The following NID2 variants were observed in gnomAD, a reference collection of about 807,000 sequenced individuals.
NID2 encodes nidogen-2.
In NID2, 83 loss-of-function variants were observed where a neutral mutation model predicts 145.4. The observed-to-expected ratio is 0.57, with a 90% CI of 0.48 to 0.69. The LOEUF (loss-of-function observed/expected upper bound fraction) is 0.69. NID2 is among the 30% of genes least tolerant of loss of function. NID2 has a pLI of 0.00. For missense variants in NID2, 1,807 were observed against 1,765.7 expected (o/e 1.02, Z -0.42); for synonymous variants, 739 against 701.3 (o/e 1.05, Z -0.85).
intron 5 of NID2, among the ~76,000 whole-genome samples, chr14:52,045,614 T>C (rs1892462384): frequency 7.0e-6 from 1 of 142,014 alleles, no homozygotes; most frequent in Non-Finnish European, 1.5e-5. Context: ...TGAAGAAAAC[T>C]GTATCACTGT....
At chr14:52,015,783 G>C (rs993034816) in intron 14 of NID2, among the ~76,000 whole-genome samples, 1 of 152,188 alleles carries the variant, frequency 6.6e-6, no homozygotes, top group East Asian at 1.9e-4. Flanking sequence ...GCCATCTTGC[G>C]ACTGGCCAGT....
In NID2 at chr14:52,019,084, G is replaced by A. The variant is rs369045026; in HGVS notation, c.3005C>T (p.Pro1002Leu). ...ACCTGGTGATGGTCCACAGTGAGGC[G>A]GGGTGGAGCCAGGTGGAGTCTGGGT... ...PGTQTPPGST[P>L]PHCGPSPEPT... The change falls in exon 14 of 22, where the codon CCG becomes CTG. Residue 1002 changes from proline to leucine, a missense_variant. Physicochemically the swap from Pro to Leu is moderately conservative, Grantham distance 98. Transcript: ENST00000216286. 17 of 1,613,880 alleles carry A rather than the reference G, an allele frequency of 1.1e-5. No individual in the cohort carries two copies. Among genetic ancestry groups the A allele is most frequent in the Admixed American group, 1.7e-5 (1 of 60,018 alleles).
In NID2 at chr14:52,042,843, A is replaced by AGTG. The variant is rs1162710246; in HGVS notation, c.1515_1517dup (p.Thr506dup). Reference sequence around the variant, plus strand: ...TGGATTGGCAGTGGCAGCAGAAGCCAGTGGCATAGTCCGTGCAGAAGGCAT... The same window carrying AGTG: ...TGGATTGGCAGTGGCAGCAGAAGCCAGTGGTGGCATAGTCCGTGCAGAAGGCAT... On this transcript the variant is annotated inframe_insertion, in exon 6 of 22. Transcript: ENST00000216286. 6.2e-7 allele frequency: 1 copy of AGTG among 1,614,232 alleles called. No homozygotes were observed. Among genetic ancestry groups the AGTG allele is most frequent in the East Asian group, 2.2e-5 (1 of 44,886 alleles).
chr14:52,038,833 A>G lies in NID2; in HGVS notation c.2171T>C (p.Leu724Pro). The G allele has an allele frequency of 6.2e-7, 1 of 1,613,962 alleles. No individual in the cohort carries two copies. Among genetic ancestry groups the G allele is most frequent in the Non-Finnish European group, 8.5e-7 (1 of 1,179,958 alleles). ...CAAGGCAAAGACCCGGTCCACGTTC[A>G]GCTGCTGGGTGGTGGGGAAGGACGG... ...RHPSFPTTQQ[L>P]NVDRVFALYN... The change falls in exon 9 of 22, where the codon CTG (leucine) becomes CCG (proline). Residue 724 changes from leucine to proline, a missense_variant. By Grantham distance (98) the Leu-to-Pro change is moderately conservative (BLOSUM62 -3). Transcript: ENST00000216286.
intron 9 of NID2, among the ~76,000 whole-genome samples, chr14:52,033,251 G>C (rs77258485): frequency 1.3e-5 from 2 of 152,064 alleles, no homozygotes; most frequent in Non-Finnish European, 2.9e-5. Flanking sequence ...TTAATCAAGG[G>C]GAAGAGCGGT....
intron 9 of NID2, among the ~76,000 whole-genome samples, chr14:52,031,915 G>A (rs1216730298): frequency 6.6e-6 from 1 of 152,158 alleles, no homozygotes; most frequent in Non-Finnish European, 1.5e-5. Context: ...AGTTAACTTG[G>A]CAACCACAAC....
chr14:52,055,220 G>T (rs551498536), intron 3 of NID2, among the ~76,000 whole-genome samples: 1 of 152,094 alleles, frequency 6.6e-6, no homozygotes, highest in South Asian at 2.1e-4. Context: ...AATTGGATCC[G>T]AATTCAGTTA....
At chr14:52,018,009 G>A (rs1242198222) in intron 14 of NID2, among the ~76,000 whole-genome samples, 1 of 152,084 alleles carries the variant, frequency 6.6e-6, no homozygotes, top group Non-Finnish European at 1.5e-5. Context: ...AGTAGAGACG[G>A]GGTTTCACTA....
Position 52,066,489 on chromosome 14 carries a change from G to C in NID2, c.534+1369C>G, listed in dbSNP as rs542404325. On this transcript the variant is annotated intron_variant, in intron 2 of 21. Transcript: ENST00000216286. ...GTGTAATACAAAGGATAAATGCTTG[G>C]GGGGATGGATACCCCATTCTCCAAG... 2.6e-4 allele frequency among the ~76,000 whole-genome samples: 39 copies of C among 152,120 alleles called. No homozygotes were observed. The South Asian group carries it at 5.2e-3, about 20-fold the overall frequency.
intron 5 of NID2, 114 bp downstream of exon 5, chr14:52,053,465 A>T: frequency 8.7e-7 from 1 of 1,150,700 alleles, no homozygotes; most frequent in Non-Finnish European, 1.2e-6. Context: ...AATTAGATCC[A>T]ATCTTCTTTT....
intron 14 of NID2, 83 bp downstream of exon 14, chr14:52,018,978 C>T (rs189773237): frequency 2.0e-5 from 20 of 991,284 alleles, no homozygotes; most frequent in Middle Eastern, 2.1e-4. Context: ...TGACTGGCCC[C>T]GTGCCTGCGT....
chr14:52,046,419 G>A (rs1595043407), intron 5 of NID2, among the ~76,000 whole-genome samples: 1 of 151,104 alleles, frequency 6.6e-6, no homozygotes, highest in Non-Finnish European at 1.5e-5. Context: ...GGAAATAACA[G>A]GCTTGGATTG....
chr14:52,059,423 G>A (rs1439319937), intron 3 of NID2, among the ~76,000 whole-genome samples: 2 of 152,122 alleles, frequency 1.3e-5, no homozygotes, highest in Admixed American at 6.5e-5. Context: ...GAATAAAAGC[G>A]AGGGCACCCC....
intron 2 of NID2, among the ~76,000 whole-genome samples, chr14:52,065,105 A>G (rs997487477): frequency 5.3e-5 from 8 of 152,034 alleles, no homozygotes; most frequent in African/African-American, 1.9e-4. Flanking sequence ...TTTTTCAGAT[A>G]CAATTACACC....
At chr14:52,024,212 G>A (rs1891500070) in intron 12 of NID2, among the ~76,000 whole-genome samples, 1 of 152,186 alleles carries the variant, frequency 6.6e-6, no homozygotes, top group African/African-American at 2.4e-5. Flanking sequence ...TCCCTACCTA[G>A]TGGTATTCAT....
intron 12 of NID2, among the ~76,000 whole-genome samples, chr14:52,023,348 G>A (rs1040042984): frequency 3.8e-5 from 2 of 52,462 alleles, no homozygotes; most frequent in East Asian, 2.0e-3. Flanking sequence ...ATGCTACTTG[G>A]GGGGGCTGAG....
chr14:52,046,410 G>A (rs1027135118), intron 5 of NID2, among the ~76,000 whole-genome samples: 35 of 151,076 alleles, frequency 2.3e-4, no homozygotes, highest in African/African-American at 8.1e-4. Context: ...ACAAATTAAG[G>A]AAATAACAGG....
At chr14:52,063,115 A>G (rs1161149180) in intron 2 of NID2, among the ~76,000 whole-genome samples, 1 of 152,214 alleles carries the variant, frequency 6.6e-6, no homozygotes, top group Admixed American at 6.5e-5. Flanking sequence ...TAAAGAGCCC[A>G]CTTCATGAAG....
chr14:52,011,231 G>A (rs1891007403), intron 17 of NID2, among the ~76,000 whole-genome samples, 184 bp from the exon 18 acceptor site: 1 of 152,154 alleles, frequency 6.6e-6, no homozygotes, highest in Non-Finnish European at 1.5e-5. Flanking sequence ...ACTACCTCTA[G>A]CTTCTAGACC....
Sources: gnomAD v4.1 joint callset for allele counts (sites outside exome capture counted in the v4.1 genomes callset) on GRCh38, gnomAD v4.1.1 for gene constraint, MANE v1.5 for transcripts, NCBI Gene and HGNC (gene_info 2026-07-23, HGNC 2026-07-21) for gene names.